Variants in MAGI2 observed in about 807,000 individuals in gnomAD.
MAGI2 encodes the protein membrane-associated guanylate kinase, WW and PDZ domain-containing protein 2.
MAGI2 carries 35 observed loss-of-function variants against 133.3 expected under a neutral mutation model. The ratio of observed to expected loss-of-function variants is 0.26; its 90% CI spans 0.20 to 0.35. MAGI2 has a LOEUF of 0.35. Ranked by LOEUF, MAGI2 falls within the 10% of genes least tolerant of loss-of-function variation. The pLI is 1.00. For missense variants in MAGI2, 1,636 were observed against 1,863.4 expected (o/e 0.88, Z 2.25); for synonymous variants, 729 against 710.6 (o/e 1.03, Z -0.41).
At chr7:78,416,687 C>A (rs990727041) in intron 6 of MAGI2, among the ~76,000 whole-genome samples, 4 of 152,082 alleles carry the variant, frequency 2.6e-5, no homozygotes, top group African/African-American at 9.7e-5. Flanking sequence ...AGGTTGGGGC[C>A]TTTTGGGAAG....
Position 79,167,076 on chromosome 7 carries a change from G to A in MAGI2, c.302-159870C>T, listed in dbSNP as rs534263390. Among the ~76,000 whole-genome samples, 152 of 152,128 alleles carry A rather than the reference G, an allele frequency of 1.0e-3. 1 individual carries two copies. Among genetic ancestry groups the A allele is most frequent in the Non-Finnish European group, 1.4e-3 (92 of 67,966 alleles). ...AAGTTTGAGAAGCTTTATTTTATAT[G>A]TTCAAGAGGTTTGCACATTTTTGTT... On this transcript the variant is annotated intron_variant, in intron 1 of 21. Transcript: ENST00000354212.
intron 9 of MAGI2, among the ~76,000 whole-genome samples, chr7:78,256,798 A>T (rs1047723814): frequency 1.3e-5 from 2 of 152,214 alleles, no homozygotes; most frequent in Non-Finnish European, 2.9e-5. Context: ...CTATTTGGTT[A>T]TTCTTGAAGT....
intron 2 of MAGI2, among the ~76,000 whole-genome samples, chr7:78,768,580 C>A (rs1014513065): frequency 6.6e-6 from 1 of 152,170 alleles, no homozygotes; most frequent in African/African-American, 2.4e-5. Context: ...GGTTACCCTT[C>A]AGTGGAGCAA....
At chr7:79,022,167 A>C (rs1809396080) in intron 1 of MAGI2, among the ~76,000 whole-genome samples, 1 of 152,224 alleles carries the variant, frequency 6.6e-6, no homozygotes. Context: ...TAGCAGCATG[A>C]AAATGGACTA....
chr7:79,391,901 G>A lies in MAGI2; in HGVS notation c.301+61119C>T, dbSNP rs190642015. ...GGGTTTCACCATGTTAGCCAGGATG[G>A]TCTTGATCTCCTGACCTCGTGATCT... On this transcript the variant is annotated intron_variant, in intron 1 of 21. Coordinates refer to ENST00000354212, the MANE Select transcript of MAGI2 (RefSeq NM_012301.4). Among the ~76,000 whole-genome samples, 304 of 152,072 alleles carry A rather than the reference G, an allele frequency of 2.0e-3. 3 individuals carry two copies. The highest frequency in any genetic ancestry group is 0.013 in the Admixed American group (202 of 15,276).
At chr7:79,261,844 A>C (rs1221276470) in intron 1 of MAGI2, among the ~76,000 whole-genome samples, 1 of 152,152 alleles carries the variant, frequency 6.6e-6, no homozygotes, top group East Asian at 1.9e-4. Context: ...CTAAATTATG[A>C]TTTTCTATTC....
intron 1 of MAGI2, among the ~76,000 whole-genome samples, chr7:79,167,397 C>CAAAA (rs10542271): frequency 1.1e-4 from 9 of 84,728 alleles, no homozygotes; most frequent in East Asian, 6.7e-4. Flanking sequence ...CCAAAAATGG[C>CAAAA]AAAAAAAAAA....
In MAGI2 at chr7:78,125,820, A is replaced by G; in HGVS notation, c.3441T>C (p.Thr1147=). Residue 1147 remains threonine (T), a synonymous_variant, in exon 20 of 22, where the codon ACT becomes ACC. Coordinates refer to ENST00000354212, the MANE Select transcript of MAGI2 (RefSeq NM_012301.4). Reference sequence around the variant, plus strand: ...CTTTGGCTCCTTTCTCCATGTCCACAGTGAAATAATCAAAATCCTTTGGGG... The same window carrying G: ...CTTTGGCTCCTTTCTCCATGTCCACGGTGAAATAATCAAAATCCTTTGGGG... ...YRQPQDFDYF[T]VDMEKGAKGF... The G allele has an allele frequency of 6.2e-7, 1 of 1,614,142 alleles. No individual in the cohort carries two copies. Among genetic ancestry groups the G allele is most frequent in the Non-Finnish European group, 8.5e-7 (1 of 1,180,006 alleles).
chr7:78,348,642 C>A (rs973758302), intron 7 of MAGI2, among the ~76,000 whole-genome samples: 4 of 152,156 alleles, frequency 2.6e-5, no homozygotes, highest in African/African-American at 9.7e-5. Flanking sequence ...TCCACTGAAG[C>A]ATTTATCCTT....
At chr7:79,067,430 C>T (rs878966682) in intron 1 of MAGI2, among the ~76,000 whole-genome samples, 1 of 152,124 alleles carries the variant, frequency 6.6e-6, no homozygotes, top group African/African-American at 2.4e-5. Context: ...TATAGGAATG[C>T]TTGTGATTTT....
At chr7:79,253,598 A>G (rs941794715) in intron 1 of MAGI2, among the ~76,000 whole-genome samples, 3 of 152,144 alleles carry the variant, frequency 2.0e-5, no homozygotes, top group African/African-American at 7.2e-5. Context: ...AGCCAAGAGC[A>G]TGCCACTGCA....
intron 6 of MAGI2, among the ~76,000 whole-genome samples, chr7:78,387,531 T>C (rs1375686754): frequency 1.3e-5 from 2 of 152,200 alleles, no homozygotes; most frequent in African/African-American, 2.4e-5. Context: ...ATAATGCTGA[T>C]TTAAAGTAAA....
At chr7:78,034,049 C>G (rs1363212720) in intron 21 of MAGI2, among the ~76,000 whole-genome samples, 3 of 152,182 alleles carry the variant, frequency 2.0e-5, no homozygotes, top group South Asian at 2.1e-4. Context: ...CTTTTATCAG[C>G]AAATTTCTAT....
At chr7:78,374,761 C>A (rs139564733) in intron 6 of MAGI2, among the ~76,000 whole-genome samples, 3 of 152,052 alleles carry the variant, frequency 2.0e-5, no homozygotes, top group Admixed American at 6.6e-5. Context: ...ACACAGAACA[C>A]TGGATTCATT....
chr7:79,339,380 A>C (rs1374772694), intron 1 of MAGI2, among the ~76,000 whole-genome samples: 3 of 151,736 alleles, frequency 2.0e-5, no homozygotes, highest in African/African-American at 7.3e-5. Context: ...TTGACTCCAC[A>C]CTGTTACAGA....
intron 6 of MAGI2, among the ~76,000 whole-genome samples, chr7:78,400,246 T>G (rs1796734404): frequency 6.6e-6 from 1 of 152,174 alleles, no homozygotes; most frequent in Non-Finnish European, 1.5e-5. Flanking sequence ...ATTAGAAACA[T>G]AATGGTCCGT....
At chr7:78,145,917 C>T (rs938733607) in intron 16 of MAGI2, among the ~76,000 whole-genome samples, 9 of 152,090 alleles carry the variant, frequency 5.9e-5, no homozygotes, top group Non-Finnish European at 1.0e-4. Context: ...CCCGAAGGCC[C>T]GTCTCCAAGC....
chr7:78,900,213 T>C (rs1797517494), intron 2 of MAGI2, among the ~76,000 whole-genome samples: 1 of 152,184 alleles, frequency 6.6e-6, no homozygotes, highest in Admixed American at 6.5e-5. Context: ...TGCTTCCTGT[T>C]TGGACTTCCT....
chr7:79,105,187 C>G (rs942555533), intron 1 of MAGI2, among the ~76,000 whole-genome samples: 1 of 152,180 alleles, frequency 6.6e-6, no homozygotes, highest in African/African-American at 2.4e-5. Flanking sequence ...CAAAATACTT[C>G]CCTGCTTAGT....
Sources: allele counts gnomAD v4.1 joint callset (sites outside exome capture counted in the v4.1 genomes callset), GRCh38; gene constraint gnomAD v4.1.1; transcripts MANE v1.5; gene names NCBI Gene and HGNC (gene_info 2026-07-23, HGNC 2026-07-21).